MMP27: variants seen among roughly 807,000 people sequenced by gnomAD.
MMP27 encodes the protein matrix metallopeptidase 27.
Under a neutral mutation model 48.1 loss-of-function variants are expected in MMP27, and 51 were observed. That is an observed-to-expected ratio of 1.06 (90% CI 0.85 to 1.34). MMP27 has a LOEUF of 1.34. MMP27 is among the 40% of genes most tolerant of loss of function. The probability of loss-of-function intolerance (pLI) is 0.00; values close to 1 mark genes in which losing one functional copy is unlikely to be tolerated. For missense variants in MMP27, 698 were observed against 619.3 expected, an observed-to-expected ratio of 1.13 and a Z score of -1.35; for synonymous variants, 229 against 208.9, an observed-to-expected ratio of 1.10 and a Z score of -0.83.
intron 8 of MMP27, 101 bp downstream of exon 8, chr11:102,693,805 A>AAAATAAAT (rs1860770125): frequency 9.4e-7 from 1 of 1,063,500 alleles, no homozygotes; most frequent in South Asian, 2.2e-5. Context: ...AAAAAATAAA[A>AAAATAAAT]AATATTATGG....
In MMP27 at chr11:102,703,056, A is replaced by G. The variant is rs1860974862; in HGVS notation, c.404T>C (p.Leu135Ser). The change falls in exon 3 of 10, where the codon TTA (leucine) becomes TCA (serine). Residue 135 changes from leucine to serine, a missense_variant. Leu to Ser is a moderately radical substitution (Grantham distance 145). Transcript: ENST00000260229. ...TGGAGTGACTTTGCTCCACACTTCT[A>G]AACCTTCTTGGATAGCCTCATCCAC... ...AAVDEAIQEG[L>S]EVWSKVTPLK... 6.2e-7 allele frequency: 1 copy of G among 1,614,180 alleles called. No individual in the cohort carries two copies. The highest frequency in any genetic ancestry group is 8.5e-7 in the Non-Finnish European group (1 of 1,180,002).
chr11:102,699,599 A>G (rs993673953), intron 4 of MMP27, among the ~76,000 whole-genome samples: 1 of 152,228 alleles, frequency 6.6e-6, no homozygotes, highest in Non-Finnish European at 1.5e-5. Flanking sequence ...GCATGAAGCA[A>G]ACGTAAAAGG....
intron 4 of MMP27, among the ~76,000 whole-genome samples, chr11:102,698,200 C>G (rs1406650247): frequency 6.6e-6 from 1 of 152,060 alleles, no homozygotes; most frequent in African/African-American, 2.4e-5. Context: ...ATTGTATGTG[C>G]TGAACTTTTA....
chr11:102,702,028 T>A (rs1444916950), intron 4 of MMP27, among the ~76,000 whole-genome samples: 1 of 152,242 alleles, frequency 6.6e-6, no homozygotes, highest in Non-Finnish European at 1.5e-5. Context: ...CAAAAATCTA[T>A]TGAGCTTGCT....
chr11:102,695,132 C>T, intron 6 of MMP27, 35 bp from the exon 7 acceptor site: 1 of 1,595,938 alleles, frequency 6.3e-7, no homozygotes, highest in South Asian at 1.1e-5. Context: ...CACATGCAGC[C>T]TATTTCCATG....
intron 1 of MMP27, among the ~76,000 whole-genome samples, chr11:102,705,385 G>T (rs899163418): frequency 1.3e-5 from 2 of 152,014 alleles, no homozygotes; most frequent in Non-Finnish European, 2.9e-5. Flanking sequence ...CCCTTCATTT[G>T]TGACCATTGC....
At chr11:102,699,286 G>C (rs1445794208) in intron 4 of MMP27, among the ~76,000 whole-genome samples, 12 of 151,910 alleles carry the variant, frequency 7.9e-5, no homozygotes, top group Admixed American at 7.9e-4. Flanking sequence ...GGGTAACATG[G>C]AGAAACCCTG....
rs896166034 is a variant in MMP27 at position 102,693,094 on chromosome 11, A to G, written c.1194-53T>C. 10 of 1,435,396 alleles carry G rather than the reference A, an allele frequency of 7.0e-6. No individual in the cohort carries two copies. In the African/African-American group the frequency reaches 1.4e-4, roughly 20 times the overall value. 88.9% of individuals were successfully genotyped at this position (1,435,396 alleles called of 1,614,324 possible). ...AGCGGATCTTTGGTTTGGGGAGCTTAATTTGTCTACCGCACAACTTAGAGT... is the reference window on the plus strand; with the variant it reads ...AGCGGATCTTTGGTTTGGGGAGCTTGATTTGTCTACCGCACAACTTAGAGT... On this transcript the variant is annotated intron_variant, in intron 8 of 9. Transcript: ENST00000260229.
chr11:102,701,208 G>T (rs1196373460), intron 4 of MMP27, among the ~76,000 whole-genome samples: 6 of 152,204 alleles, frequency 3.9e-5, no homozygotes, highest in African/African-American at 1.4e-4. Flanking sequence ...ACTGCTGCCT[G>T]GTTGCCCACC....
rs111724028 is a variant in MMP27, at chr11:102,697,157, G to A, written c.620-322C>T. 7.9e-4 allele frequency among the ~76,000 whole-genome samples: 121 copies of A among 152,294 alleles called. 1 individual carries two copies. Among genetic ancestry groups the A allele is most frequent in the African/African-American group, 2.6e-3 (109 of 41,548 alleles). On this transcript the variant is annotated intron_variant, in intron 4 of 9. Transcript: ENST00000260229. ...CCCAGGCTACAAACCTGTATTGCAC[G>A]TTACTGTACTGAATATTATAGGCAA...
intron 4 of MMP27, among the ~76,000 whole-genome samples, chr11:102,698,671 T>A (rs905000558): frequency 6.6e-6 from 1 of 152,184 alleles, no homozygotes; most frequent in Non-Finnish European, 1.5e-5. Flanking sequence ...AAGCTAACTA[T>A]GTTAAATCGC....
chr11:102,704,839 C>T, intron 1 of MMP27, 64 bp from the exon 2 acceptor site: 2 of 1,087,328 alleles, frequency 1.8e-6, no homozygotes, highest in Non-Finnish European at 1.3e-6. Flanking sequence ...ATCTCCATCT[C>T]AGGATAAAGC....
At chr11:102,700,126 T>C (rs1361728666) in intron 4 of MMP27, among the ~76,000 whole-genome samples, 3 of 152,238 alleles carry the variant, frequency 2.0e-5, no homozygotes, top group Non-Finnish European at 4.4e-5. Flanking sequence ...GTGTCCTATA[T>C]ACAAGGGTAT....
chr11:102,694,075 G>C lies in MMP27; in HGVS notation c.1034-10C>G, dbSNP rs1342345253. 6.5e-7 allele frequency: 1 copy of C among 1,538,464 alleles called. No individual in the cohort carries two copies. The highest frequency in any genetic ancestry group is 8.7e-7 in the Non-Finnish European group (1 of 1,145,758). On this transcript the variant is annotated splice_polypyrimidine_tract_variant and intron_variant, in intron 7 of 9. Coordinates refer to ENST00000260229, the MANE Select transcript of MMP27 (RefSeq NM_022122.3). ...ATCCAGAAGTTTTCATCTAGGAAGA[G>C]AGGAGTGATTATTTATTTTCTAGAG...
chr11:102,705,616 A>G lies in MMP27; in HGVS notation c.99T>C (p.Ala33=). Residue 33 remains alanine (A), a synonymous_variant, in exon 1 of 10, where the codon GCT becomes GCC. Coordinates refer to ENST00000260229, the MANE Select transcript of MMP27 (RefSeq NM_022122.3). ...MTENEENMQL[A]QAYLNQFYSL... ...ATATCATTTATTAAGACAGTACCTG[A>G]GCCAGTTGCATATTTTCTTCATTTT... is the stretch of plus-strand genomic sequence containing the variant. The G allele has an allele frequency of 6.5e-7, 1 of 1,542,688 alleles. No homozygotes were observed. Among genetic ancestry groups the G allele is most frequent in the African/African-American group, 1.4e-5 (1 of 71,850 alleles).
At chr11:102,692,769 T>C (rs913347052) in intron 9 of MMP27, among the ~76,000 whole-genome samples, 169 bp downstream of exon 9, 1 of 152,198 alleles carries the variant, frequency 6.6e-6, no homozygotes, top group Non-Finnish European at 1.5e-5. Context: ...TAATTCAGGA[T>C]TTATGGATTC....
chr11:102,699,764 A>C (rs1860904270), intron 4 of MMP27, among the ~76,000 whole-genome samples: 1 of 152,248 alleles, frequency 6.6e-6, no homozygotes, highest in Non-Finnish European at 1.5e-5. Context: ...TTCTAAATGA[A>C]GTCCAGATCT....
rs1298891672 is a variant in MMP27, at chr11:102,693,958, A to T, written c.1141T>A (p.Cys381Ser). The T allele has an allele frequency of 1.2e-6, 2 of 1,611,860 alleles. No individual in the cohort carries two copies. The highest frequency in any genetic ancestry group is 2.2e-5 in the East Asian group (1 of 44,698). The change falls in exon 8 of 10, where the codon TGT (cysteine) becomes AGT (serine). Residue 381 changes from cysteine (C) to serine (S), a missense_variant. Transcript: ENST00000260229. ...TAGGTTTTTCTTGTGGTCTTATCACAGACGGCTGCATCTATTTTCTTCACA... is the reference window on the plus strand; with the variant it reads ...TAGGTTTTTCTTGTGGTCTTATCACTGACGGCTGCATCTATTTTCTTCACA... The part of the protein sequence containing the change: ...GRVKKIDAAV[C>S]DKTTRKTYFF...
chr11:102,695,785 A>G (rs539227444), intron 6 of MMP27, among the ~76,000 whole-genome samples: 7 of 152,356 alleles, frequency 4.6e-5, no homozygotes, highest in African/African-American at 1.7e-4. Flanking sequence ...GGTCTACATA[A>G]CTGACACACC....
Sources: gnomAD v4.1 joint callset for allele counts (sites outside exome capture counted in the v4.1 genomes callset) on GRCh38, gnomAD v4.1.1 for gene constraint, MANE v1.5 for transcripts, NCBI Gene and HGNC (gene_info 2026-07-23, HGNC 2026-07-21) for gene names.